The following TRHDE variants were observed in gnomAD, a reference collection of about 807,000 sequenced individuals.
TRHDE encodes the protein thyrotropin-releasing hormone-degrading ectoenzyme.
A neutral mutation model predicts 125.7 loss-of-function variants in TRHDE; 72 were observed. The observed-to-expected ratio is 0.57, with a 90% CI of 0.47 to 0.70. The LOEUF (loss-of-function observed/expected upper bound fraction) is 0.70. TRHDE is among the 30% of genes least tolerant of loss of function. The pLI is 0.00. For synonymous variants in TRHDE, 509 were observed against 509.1 expected (o/e 1.00, Z 0.00); for missense variants, 1,110 against 1,327.1 (o/e 0.84, Z 2.54).
intron 12 of TRHDE, among the ~76,000 whole-genome samples, chr12:72,613,683 A>AGAGGTGTTTTC (rs1300512930): frequency 6.6e-6 from 1 of 152,154 alleles, no homozygotes; most frequent in African/African-American, 2.4e-5. Flanking sequence ...TATTACGAAT[A>AGAGGTGTTTTC]GAGGTGTTTT....
intron 2 of TRHDE, among the ~76,000 whole-genome samples, chr12:72,292,078 C>A (rs902257959): frequency 1.3e-5 from 2 of 152,152 alleles, no homozygotes; most frequent in South Asian, 2.1e-4. Context: ...TTAAGATGAA[C>A]CTTTGTCTAC....
intron 2 of TRHDE, among the ~76,000 whole-genome samples, chr12:72,152,073 G>T (rs979224311): frequency 6.6e-6 from 1 of 151,718 alleles, no homozygotes; most frequent in African/African-American, 2.4e-5. Context: ...TTATTTCATT[G>T]AGCAGTGATT....
chr12:72,251,836 T>C (rs1878693385), intron 2 of TRHDE, among the ~76,000 whole-genome samples: 1 of 152,124 alleles, frequency 6.6e-6, no homozygotes, highest in South Asian at 2.1e-4. Flanking sequence ...TTGGTGGTGT[T>C]ACTATTTTTT....
intron 12 of TRHDE, among the ~76,000 whole-genome samples, chr12:72,587,301 A>T (rs568756426): frequency 2.0e-5 from 3 of 152,226 alleles, no homozygotes; most frequent in African/African-American, 7.2e-5. Context: ...TAACATTGGT[A>T]GATTATCAGT....
chr12:72,232,382 C>T (rs2139374929), intron 2 of TRHDE, among the ~76,000 whole-genome samples: 1 of 152,148 alleles, frequency 6.6e-6, no homozygotes, highest in South Asian at 2.1e-4. Flanking sequence ...AATGCTGCCT[C>T]CAGGTGTGTG....
At chr12:72,578,591 C>T (rs1194778449) in intron 12 of TRHDE, among the ~76,000 whole-genome samples, 1 of 152,158 alleles carries the variant, frequency 6.6e-6, no homozygotes, top group Non-Finnish European at 1.5e-5. Flanking sequence ...TTTCTGGTTT[C>T]CTGATAGTTC....
intron 12 of TRHDE, among the ~76,000 whole-genome samples, chr12:72,584,548 A>C (rs11179264): frequency 0.27 from 40,342 of 152,024 alleles, 8,135 homozygotes; most frequent in African/African-American, 0.54. Flanking sequence ...ATCTTCCCAG[A>C]TCTTTTTCCT....
chr12:72,227,557 G>A (rs1878159063), intron 2 of TRHDE, among the ~76,000 whole-genome samples: 2 of 152,032 alleles, frequency 1.3e-5, no homozygotes, highest in African/African-American at 4.8e-5. Context: ...ATATCGTTCT[G>A]CCCCAGGCCC....
At chr12:72,452,076 G>A (rs899334731) in intron 3 of TRHDE, among the ~76,000 whole-genome samples, 1 of 152,116 alleles carries the variant, frequency 6.6e-6, no homozygotes, top group African/African-American at 2.4e-5. Context: ...TGATCTGCCC[G>A]CATTGGCCTC....
chr12:72,220,510 A>C (rs1297282069), intron 2 of TRHDE, among the ~76,000 whole-genome samples: 1 of 151,944 alleles, frequency 6.6e-6, no homozygotes, highest in East Asian at 1.9e-4. Flanking sequence ...TTCTTCTATC[A>C]TCACTTTCCA....
rs900106567 is a variant in TRHDE, at chr12:72,513,990, G to A, written c.1722+14355G>A. Among the ~76,000 whole-genome samples, 17 of 152,220 alleles carry A rather than the reference G, an allele frequency of 1.1e-4. No individual in the cohort carries two copies. In the South Asian group the frequency reaches 1.7e-3, roughly 15 times the overall value. The stretch of plus-strand genomic sequence containing the variant: ...GAAAGAAAATTTCTCCTGAAAATTT[G>A]CAACTACAAGCAACCTTTGACTGGC... On this transcript the variant is annotated intron_variant, in intron 6 of 18. Transcript: ENST00000261180.
rs111722276 is a variant in TRHDE, at chr12:72,181,067, A to T, written n.279+75315A>T. 3.3e-3 allele frequency among the ~76,000 whole-genome samples: 508 copies of T among 152,304 alleles called. 5 individuals are homozygous for T. The highest frequency in any genetic ancestry group is 0.011 in the African/African-American group (471 of 41,574). ...TTCTTGGTAACAAATAAGAAGGTAGAAGAAGACTGAGAATGGATGACTTAT... is the reference window on the plus strand; with the variant it reads ...TTCTTGGTAACAAATAAGAAGGTAGTAGAAGACTGAGAATGGATGACTTAT... On this transcript the variant is annotated intron_variant and non_coding_transcript_variant, in intron 2 of 4. Coordinates refer to the TRHDE transcript ENST00000548156.
At chr12:72,595,373 C>A (rs1871893556) in intron 12 of TRHDE, among the ~76,000 whole-genome samples, 1 of 151,928 alleles carries the variant, frequency 6.6e-6, no homozygotes, top group South Asian at 2.1e-4. Flanking sequence ...GTCTTCAGAA[C>A]TTTCATTGTT....
chr12:72,578,195 T>C (rs1871085848), intron 12 of TRHDE, among the ~76,000 whole-genome samples: 1 of 152,198 alleles, frequency 6.6e-6, no homozygotes, highest in Non-Finnish European at 1.5e-5. Context: ...TTATGAATGA[T>C]CTCCATCAGT....
intron 2 of TRHDE, among the ~76,000 whole-genome samples, chr12:72,331,963 A>G (rs924176288): frequency 3.3e-5 from 5 of 152,194 alleles, no homozygotes; most frequent in African/African-American, 9.7e-5. Flanking sequence ...GGTAATTTAT[A>G]AAGAAAATAA....
intron 2 of TRHDE, among the ~76,000 whole-genome samples, chr12:72,211,725 G>A (rs1170091512): frequency 6.6e-6 from 1 of 152,162 alleles, no homozygotes; most frequent in Non-Finnish European, 1.5e-5. Flanking sequence ...ATAATCTAAT[G>A]TGATAAGGGA....
In TRHDE at chr12:72,652,990, AT is replaced by A. The variant is rs2136110527; in HGVS notation, c.2844-21del. The A allele has an allele frequency of 1.9e-6, 3 of 1,580,730 alleles. No homozygotes were observed. In the East Asian group the frequency reaches 6.8e-5, roughly 36 times the overall value. On this transcript the variant is annotated intron_variant, in intron 16 of 18. Transcript: ENST00000261180. Reference sequence around the variant, plus strand: ...AAATGTTTAAGTTATTGGACTAAAAATTTTTACAAAATTCTATCTTTGAAGG... The same window carrying A: ...AAATGTTTAAGTTATTGGACTAAAAATTTTACAAAATTCTATCTTTGAAGG...
chr12:72,663,019 G>T, intron 18 of TRHDE, 33 bp from the exon 19 acceptor site: 1 of 1,580,186 alleles, frequency 6.3e-7, no homozygotes, highest in South Asian at 1.2e-5. Flanking sequence ...TTTAAGACAG[G>T]CAGATTTACC....
Position 72,272,949 on chromosome 12 carries a change from C to G in TRHDE, c.306C>G (p.Leu102=). The change falls in exon 1 of 19, where the codon CTC becomes CTG. Residue 102 remains leucine (L), a synonymous_variant. Coordinates refer to ENST00000261180, the MANE Select transcript of TRHDE (RefSeq NM_013381.3). The surrounding 1 kb of genome is among the most constrained non-coding windows in gnomAD (Gnocchi z 6.7). The part of the protein sequence containing the change: ...SLVALLAVTM[L]AVLLSLRFDE... ...TGGCATTGCTCGCGGTCACAATGCT[C>G]GCTGTGCTGCTCAGCCTGCGCTTCG... 1 of 1,573,250 alleles carries G rather than the reference C, an allele frequency of 6.4e-7. No individual in the cohort carries two copies. Among genetic ancestry groups the G allele is most frequent in the Non-Finnish European group, 8.6e-7 (1 of 1,167,106 alleles).
Sources: allele counts gnomAD v4.1 joint callset (sites outside exome capture counted in the v4.1 genomes callset), GRCh38; gene constraint gnomAD v4.1.1; non-coding constraint Gnocchi (gnomAD v3.1); transcripts MANE v1.5; gene names NCBI Gene and HGNC (gene_info 2026-07-23, HGNC 2026-07-21).